EML1: variants seen among roughly 807,000 people sequenced by gnomAD.
EML1 encodes echinoderm microtubule-associated protein-like 1.
EML1 carries 27 observed loss-of-function variants against 110.4 expected under a neutral mutation model. The observed-to-expected ratio is 0.24, with a 90% CI of 0.18 to 0.34. EML1 has a LOEUF of 0.34. EML1 is among the 10% of genes least tolerant of loss of function. The pLI, the probability that EML1 is intolerant of heterozygous loss-of-function variation, is 1.00. For missense variants in EML1, 741 were observed against 1,030.9 expected, an observed-to-expected ratio of 0.72 and a Z score of 3.85; for synonymous variants, 344 against 385.8, an observed-to-expected ratio of 0.89 and a Z score of 1.27.
chr14:99,796,834 C>T (rs1280418949), intron 1 of EML1, among the ~76,000 whole-genome samples: 4 of 151,808 alleles, frequency 2.6e-5, no homozygotes, highest in Non-Finnish European at 4.4e-5. Context: ...AACGGAGGCT[C>T]GAAGAGATTT....
chr14:99,741,088 C>A (rs1438595380), intron 1 of EML1, among the ~76,000 whole-genome samples: 13 of 152,212 alleles, frequency 8.5e-5, no homozygotes. Context: ...GACCAGGGTT[C>A]AAATCCCAGC....
chr14:99,775,106 C>A (rs2057467708), intron 1 of EML1, among the ~76,000 whole-genome samples: 1 of 152,206 alleles, frequency 6.6e-6, no homozygotes, highest in Non-Finnish European at 1.5e-5. Context: ...TGGCGCACTG[C>A]CCAGGACACA....
chr14:99,786,667 G>T (rs961745141), intron 1 of EML1, among the ~76,000 whole-genome samples: 1 of 152,234 alleles, frequency 6.6e-6, no homozygotes, highest in Non-Finnish European at 1.5e-5. Flanking sequence ...TGAGAGTCGC[G>T]AAGAGGAGCT....
chr14:99,887,081 C>T lies in EML1; in HGVS notation c.519-4118C>T, dbSNP rs753487629. Among the ~76,000 whole-genome samples the T allele has an allele frequency of 1.5e-4, 23 of 152,194 alleles. 1 individual carries two copies. Among genetic ancestry groups the T allele is most frequent in the Non-Finnish European group, 2.8e-4 (19 of 68,038 alleles). On this transcript the variant is annotated intron_variant, in intron 4 of 21. Transcript: ENST00000262233. ...TGCTGTCTGTTGGTTGACTGCACTGCTGTCTGTTGGTGTGAGTTTTTCCTT... is the reference window on the plus strand; with the variant it reads ...TGCTGTCTGTTGGTTGACTGCACTGTTGTCTGTTGGTGTGAGTTTTTCCTT...
chr14:99,890,168 C>G (rs531814599), intron 4 of EML1, among the ~76,000 whole-genome samples: 2 of 152,196 alleles, frequency 1.3e-5, no homozygotes, highest in Non-Finnish European at 2.9e-5. Context: ...GTAATCCTAG[C>G]AGCATTTAAG....
chr14:99,931,645 G>GGAGGA (rs1044252314), intron 17 of EML1, among the ~76,000 whole-genome samples: 1 of 152,202 alleles, frequency 6.6e-6, no homozygotes, highest in African/African-American at 2.4e-5. Context: ...GAGAGTTTTT[G>GGAGGA]GAGGAGAGGA....
intron 14 of EML1, 78 bp downstream of exon 14, chr14:99,914,382 G>A (rs2059998674): frequency 1.9e-6 from 3 of 1,567,058 alleles, no homozygotes; most frequent in Non-Finnish European, 2.6e-6. Context: ...TTACAATCAG[G>A]TGCTTTATAC....
rs181856058 is a variant in EML1, at chr14:99,825,611, T to A, written c.68-25242T>A. ...TTCAACCTCACCACAGTCTGGAAAT[T>A]TATGTTTCTGTGTTTTTCCTGTCAG... is the stretch of plus-strand genomic sequence containing the variant. On this transcript the variant is annotated intron_variant, in intron 1 of 21. Coordinates refer to ENST00000262233, the MANE Select transcript of EML1 (RefSeq NM_004434.3). Among the ~76,000 whole-genome samples the A allele has an allele frequency of 2.6e-3, 389 of 152,210 alleles. 8 individuals are homozygous for A. Among genetic ancestry groups the A allele is most frequent in the Middle Eastern group, 0.017 (5 of 294 alleles).
At chr14:99,817,053 G>A (rs190862592) in intron 1 of EML1, among the ~76,000 whole-genome samples, 4 of 152,326 alleles carry the variant, frequency 2.6e-5, no homozygotes, top group African/African-American at 9.6e-5. Flanking sequence ...GTGTTGGGGA[G>A]CTGTCAGGCT....
At chr14:99,759,967 C>T (rs907437097) in intron 1 of EML1, among the ~76,000 whole-genome samples, 8 of 150,314 alleles carry the variant, frequency 5.3e-5, no homozygotes, top group East Asian at 4.0e-4. Flanking sequence ...ATTAGCCGGG[C>T]GTGGTGGCGG....
intron 2 of EML1, among the ~76,000 whole-genome samples, chr14:99,858,210 T>C (rs879505139): frequency 3.4e-4 from 51 of 150,516 alleles, no homozygotes; most frequent in Non-Finnish European, 5.9e-4. Context: ...TTAGGCAGAG[T>C]TTTTGCTCTT....
At chr14:99,829,589 C>T (rs2058416172) in intron 1 of EML1, among the ~76,000 whole-genome samples, 1 of 152,126 alleles carries the variant, frequency 6.6e-6, no homozygotes, top group African/African-American at 2.4e-5. Context: ...TTCATGACCC[C>T]AAACTGAAAC....
At chr14:99,831,037 G>A (rs74406710) in intron 1 of EML1, among the ~76,000 whole-genome samples, 2,427 of 152,206 alleles carry the variant, frequency 0.016, 58 homozygotes, top group African/African-American at 0.054. Flanking sequence ...GGCCCTCTCA[G>A]TGCCTCTCTA....
rs1003704593 is a variant in EML1, at chr14:99,870,264, C to T, written c.383+4618C>T. On this transcript the variant is annotated intron_variant, in intron 3 of 21. Coordinates refer to ENST00000262233, the MANE Select transcript of EML1 (RefSeq NM_004434.3). ...AGCCTAATACAGAGCAAGGCCTTAACTCTCTTCAATTTTATGAAATCTGAG... is the reference window on the plus strand; with the variant it reads ...AGCCTAATACAGAGCAAGGCCTTAATTCTCTTCAATTTTATGAAATCTGAG... 2.6e-5 allele frequency among the ~76,000 whole-genome samples: 4 copies of T among 152,336 alleles called. 1 individual carries two copies. The East Asian group carries it at 7.7e-4, about 29-fold the overall frequency.
intron 3 of EML1, among the ~76,000 whole-genome samples, chr14:99,876,446 C>T (rs1013405029): frequency 1.3e-5 from 2 of 152,162 alleles, no homozygotes; most frequent in South Asian, 2.1e-4. Flanking sequence ...CCTAATCCTG[C>T]GCTAGCCTTT....
chr14:99,929,811 T>TC (rs2060333754), intron 17 of EML1, among the ~76,000 whole-genome samples: 2 of 152,170 alleles, frequency 1.3e-5, no homozygotes, highest in Admixed American at 6.5e-5. Context: ...GTAGCCCATC[T>TC]CCAAGGTAGC....
At chr14:99,881,515 G>A (rs186416003) in intron 4 of EML1, among the ~76,000 whole-genome samples, 22 of 152,128 alleles carry the variant, frequency 1.4e-4, no homozygotes, top group Admixed American at 4.6e-4. Context: ...AATAGTGTTT[G>A]TGGAGTCCTA....
chr14:99,914,100 T>G, intron 13 of EML1, 79 bp from the exon 14 acceptor site: 1 of 1,536,650 alleles, frequency 6.5e-7, no homozygotes, highest in East Asian at 2.3e-5. Flanking sequence ...ACTATCATTA[T>G]GATAAGTGTT....
At chr14:99,871,018 G>A (rs565090838) in intron 3 of EML1, among the ~76,000 whole-genome samples, 76 of 151,924 alleles carry the variant, frequency 5.0e-4, no homozygotes, top group African/African-American at 1.1e-3. Flanking sequence ...GTGCAGTGGC[G>A]CGATTTTGGC....
Sources: allele counts gnomAD v4.1 joint callset (sites outside exome capture counted in the v4.1 genomes callset), GRCh38; gene constraint gnomAD v4.1.1; transcripts MANE v1.5; gene names NCBI Gene and HGNC (gene_info 2026-07-23, HGNC 2026-07-21).